The following ANK2 variants were observed in gnomAD, a reference collection of about 807,000 sequenced individuals.
The protein encoded by ANK2 is ankyrin 2.
Under a neutral mutation model 360.5 loss-of-function variants are expected in ANK2, and 83 were observed. The observed-to-expected ratio is 0.23, with a 90% CI of 0.19 to 0.28. The LOEUF (loss-of-function observed/expected upper bound fraction) is 0.28, where lower values mean the gene tolerates loss of function less well. Among genes scored for constraint, ANK2 ranks in the 10% least tolerant of loss-of-function variants. The pLI is 1.00. For missense variants in ANK2, 4,201 were observed against 4,795.7 expected, an observed-to-expected ratio of 0.88 and a Z score of 3.66; for synonymous variants, 1,740 against 1,759.5, an observed-to-expected ratio of 0.99 and a Z score of 0.28.
At chr4:113,292,818 AC>A (rs1174882622) in intron 21 of ANK2, among the ~76,000 whole-genome samples, 6 of 150,736 alleles carry the variant, frequency 4.0e-5, no homozygotes, top group Non-Finnish European at 5.9e-5. Flanking sequence ...GCACAAATTG[AC>A]CCCCCCTCGC....
rs1563056634 is a variant in ANK2, at chr4:113,233,104, CTGTTTTTTTTTTTTTTT to C, written c.483+847_483+863del. 3.5e-3 allele frequency among the ~76,000 whole-genome samples: 104 copies of C among 29,300 alleles called. 25 individuals carry two copies. The highest frequency in any genetic ancestry group is 7.9e-3 in the South Asian group (6 of 758). The allele number at this position is 29,300 out of a possible 152,430, so 19.2% of individuals were successfully genotyped here. A position where few individuals can be genotyped will look rare whatever the true frequency, so the allele number is the denominator to read the frequency against. On this transcript the variant is annotated intron_variant, in intron 5 of 45. Transcript: ENST00000357077. ...ACCAGAGTATATGGGCTTGGCTTTT[CTGTTTTTTTTTTTTTTT>C]TTTTTTTTTTTTTTTTTTTTTTTTT...
chr4:112,781,671 G>A, the ANK2 span, among the ~76,000 whole-genome samples: 3 of 151,834 alleles, frequency 2.0e-5, no homozygotes, highest in Admixed American at 6.6e-5. Flanking sequence ...TATTACATAA[G>A]TATGTTCATT....
chr4:113,355,119 C>A lies in ANK2; in HGVS notation c.6501C>A (p.Asp2167Glu). The change falls in exon 38 of 46, where the codon GAC (aspartate) becomes GAA (glutamate). Residue 2167 changes from aspartate to glutamate, a missense_variant. By Grantham distance (45) the Asp-to-Glu change is conservative. Coordinates refer to ENST00000357077, the MANE Select transcript of ANK2 (RefSeq NM_001148.6). ...EETEKAQLHL[D>E]QVLTSPFNTT... Reference sequence around the variant, plus strand: ...CAGAAAAGGCACAGCTTCACTTAGACCAAGTACTCACTAGTCCTTTCAACA... The same window carrying A: ...CAGAAAAGGCACAGCTTCACTTAGAACAAGTACTCACTAGTCCTTTCAACA... 1 of 1,614,120 alleles carries A rather than the reference C, an allele frequency of 6.2e-7. No homozygotes were observed. The highest frequency in any genetic ancestry group is 8.5e-7 in the Non-Finnish European group (1 of 1,180,002).
At chr4:113,297,659 A>G (rs1350705848) in intron 22 of ANK2, among the ~76,000 whole-genome samples, 3 of 152,166 alleles carry the variant, frequency 2.0e-5, no homozygotes, top group East Asian at 1.9e-4. Flanking sequence ...TTCTTTAAAT[A>G]TAGGTCCATC....
chr4:112,742,396 ATGTGTGTGTG>A, the ANK2 span, among the ~76,000 whole-genome samples: 1 of 149,660 alleles, frequency 6.7e-6, no homozygotes, highest in Non-Finnish European at 1.5e-5. Flanking sequence ...ACTGAATTCT[ATGTGTGTGTG>A]TGTGTGTGTG....
At chr4:113,312,771 T>A (rs1457299853) in intron 24 of ANK2, among the ~76,000 whole-genome samples, 1 of 152,130 alleles carries the variant, frequency 6.6e-6, no homozygotes, top group Non-Finnish European at 1.5e-5. Context: ...GGAGTGTAAG[T>A]GTGGAGGACG....
chr4:112,839,302 A>G (rs188698643), intron 1 of ANK2, among the ~76,000 whole-genome samples: 1 of 152,320 alleles, frequency 6.6e-6, no homozygotes, highest in East Asian at 1.9e-4. Context: ...ATAATATAGT[A>G]TCAGCACTGT....
intron 2 of ANK2, among the ~76,000 whole-genome samples, chr4:112,947,485 A>G (rs1379223076): frequency 6.6e-6 from 1 of 152,170 alleles, no homozygotes; most frequent in Non-Finnish European, 1.5e-5. Context: ...TATTGTTTTC[A>G]GACCATTAGA....
chr4:112,855,420 G>A (rs1157400899), intron 1 of ANK2, among the ~76,000 whole-genome samples: 1 of 152,184 alleles, frequency 6.6e-6, no homozygotes, highest in Non-Finnish European at 1.5e-5. Flanking sequence ...GATTATGGTA[G>A]TACACTGACA....
At chr4:113,301,446 A>C (rs1210445611) in intron 22 of ANK2, among the ~76,000 whole-genome samples, 2 of 151,996 alleles carry the variant, frequency 1.3e-5, no homozygotes, top group Non-Finnish European at 2.9e-5. Flanking sequence ...TTATTAACAT[A>C]TCTATTACCT....
At chr4:113,264,793 A>G in intron 13 of ANK2, 104 bp from the exon 14 acceptor site, 1 of 1,118,724 alleles carries the variant, frequency 8.9e-7, no homozygotes, top group Non-Finnish European at 1.3e-6. Flanking sequence ...GGTTTCTTAA[A>G]TCCTTGGATA....
intron 32 of ANK2, among the ~76,000 whole-genome samples, chr4:113,340,136 CA>C (rs1335615947): frequency 6.6e-6 from 1 of 152,080 alleles, no homozygotes; most frequent in African/African-American, 2.4e-5. Context: ...TGTGTTTTGC[CA>C]ATTTAGCATC....
intron 4 of ANK2, among the ~76,000 whole-genome samples, chr4:113,209,792 T>C (rs2098999779): frequency 6.6e-6 from 1 of 151,972 alleles, no homozygotes; most frequent in African/African-American, 2.4e-5. Flanking sequence ...AGGTCACAGA[T>C]TTTCTGATTT....
chr4:113,326,606 C>A (rs1309013078), intron 26 of ANK2, among the ~76,000 whole-genome samples: 9 of 152,086 alleles, frequency 5.9e-5, no homozygotes, highest in Non-Finnish European at 1.3e-4. Context: ...TCTTCTCTTT[C>A]TCTTCTAAAG....
chr4:113,286,628 G>A (rs1230984750), intron 18 of ANK2, among the ~76,000 whole-genome samples: 1 of 152,186 alleles, frequency 6.6e-6, no homozygotes, highest in African/African-American at 2.4e-5. Context: ...AATCAGATGT[G>A]AACTGGGGAA....
chr4:113,091,528 G>A (rs1192706050), intron 1 of ANK2, among the ~76,000 whole-genome samples: 1 of 152,126 alleles, frequency 6.6e-6, no homozygotes, highest in African/African-American at 2.4e-5. Context: ...AAAGCAAAAC[G>A]GTCCAAATGT....
intron 8 of ANK2, 47 bp from the exon 9 acceptor site, chr4:113,242,064 T>C: frequency 6.7e-7 from 1 of 1,490,288 alleles, no homozygotes; most frequent in Non-Finnish European, 9.4e-7. Context: ...ATCGCCATCA[T>C]GCCCTGTCAT....
At chr4:113,279,823 G>T (rs2061582781) in intron 17 of ANK2, among the ~76,000 whole-genome samples, 1 of 151,576 alleles carries the variant, frequency 6.6e-6, no homozygotes, top group East Asian at 1.9e-4. Context: ...GTCAAAAGAG[G>T]GTGCCAAATG....
the ANK2 span, among the ~76,000 whole-genome samples, chr4:112,710,606 G>A: frequency 4.0e-5 from 6 of 151,816 alleles, no homozygotes; most frequent in African/African-American, 1.2e-4. Flanking sequence ...GCTGAGGCAG[G>A]AGAATAGCTT....
Sources: allele counts gnomAD v4.1 joint callset (sites outside exome capture counted in the v4.1 genomes callset), GRCh38; gene constraint gnomAD v4.1.1; transcripts MANE v1.5; gene names NCBI Gene and HGNC (gene_info 2026-07-23, HGNC 2026-07-21).